Variants in TXLNB observed in about 807,000 individuals in gnomAD.
The protein encoded by TXLNB is taxilin beta, also known as beta-taxilin.
Under a neutral mutation model 57.4 loss-of-function variants are expected in TXLNB, and 37 were observed. The observed-to-expected ratio is 0.64, with a 90% CI of 0.50 to 0.85. The LOEUF (loss-of-function observed/expected upper bound fraction) is 0.85, where lower values mean the gene tolerates loss of function less well. Among genes scored for constraint, TXLNB ranks in the 40% least tolerant of loss-of-function variants. TXLNB has a pLI of 0.00. For missense variants in TXLNB, 848 were observed against 825.6 expected (o/e 1.03, Z -0.33); for synonymous variants, 302 against 309.6 (o/e 0.98, Z 0.26).
chr6:139,268,137 G>A (rs896982311), intron 4 of TXLNB, among the ~76,000 whole-genome samples: 14 of 129,896 alleles, frequency 1.1e-4, no homozygotes, highest in African/African-American at 2.5e-4. Context: ...ACGACAGAGC[G>A]AGACTCCATC....
the TXLNB span, among the ~76,000 whole-genome samples, chr6:139,217,223 C>A: frequency 3.3e-5 from 5 of 152,030 alleles, no homozygotes; most frequent in Non-Finnish European, 1.5e-5. Flanking sequence ...AGCAGCCTTG[C>A]GCTTACACAT....
the TXLNB span, among the ~76,000 whole-genome samples, chr6:139,159,796 A>C: frequency 6.6e-6 from 1 of 152,214 alleles, no homozygotes; most frequent in Admixed American, 6.5e-5. Flanking sequence ...TTTTGCCTGG[A>C]AAGCCTCATA....
At chr6:139,243,686 G>A (rs1427010277) in intron 9 of TXLNB, among the ~76,000 whole-genome samples, 1 of 152,074 alleles carries the variant, frequency 6.6e-6, no homozygotes, top group Non-Finnish European at 1.5e-5. Context: ...AAATGAGATG[G>A]ATTGGGACTT....
At chr6:139,267,328 A>C (rs1338880441) in intron 4 of TXLNB, among the ~76,000 whole-genome samples, 1 of 152,212 alleles carries the variant, frequency 6.6e-6, no homozygotes, top group Non-Finnish European at 1.5e-5. Flanking sequence ...AATATAATAC[A>C]TATAATGATG....
intron 9 of TXLNB, among the ~76,000 whole-genome samples, 178 bp from the exon 10 acceptor site, chr6:139,243,492 CTTTTTT>C (rs1161954954): frequency 2.3e-5 from 3 of 128,096 alleles, no homozygotes; most frequent in African/African-American, 5.9e-5. Context: ...CATCACTTTC[CTTTTTT>C]TTTTTTTTTT....
chr6:139,310,700 T>C, the TXLNB span, among the ~76,000 whole-genome samples: 46 of 152,330 alleles, frequency 3.0e-4, no homozygotes, highest in Admixed American at 1.8e-3. Context: ...TTGTTTTGGT[T>C]TGGTTTTTTT....
the TXLNB span, among the ~76,000 whole-genome samples, chr6:139,300,375 G>C: frequency 6.6e-6 from 1 of 152,168 alleles, no homozygotes; most frequent in Admixed American, 6.5e-5. Flanking sequence ...CAGCAGAGAT[G>C]GTCAACAGGA....
chr6:139,164,051 CACACACACACACACAA>C, the TXLNB span, among the ~76,000 whole-genome samples: 1 of 134,920 alleles, frequency 7.4e-6, no homozygotes, highest in East Asian at 1.9e-4. Flanking sequence ...TGGACTCTCA[CACACACACACACACAA>C]ACACACACAC....
At chr6:139,257,905 C>T (rs1264677645) in intron 6 of TXLNB, among the ~76,000 whole-genome samples, 2 of 152,114 alleles carry the variant, frequency 1.3e-5, no homozygotes, top group African/African-American at 4.8e-5. Flanking sequence ...TCCCAGGGTG[C>T]AATGAAGATT....
chr6:139,177,272 C>A, the TXLNB span: 1 of 510,460 alleles, frequency 2.0e-6, no homozygotes, highest in African/African-American at 1.9e-5. The surrounding 1 kb of genome is among the most constrained non-coding windows in gnomAD (Gnocchi z 4.9). Context: ...TGTCTTGATT[C>A]CCGAGTGTTA....
At position 139,241,743 on chromosome 6, in the gene TXLNB, C is replaced by A. The variant is rs1775938959; in HGVS notation, c.*783G>T. 1.3e-5 allele frequency: 2 copies of A among 152,312 alleles called. No homozygotes were observed. The highest frequency in any genetic ancestry group is 4.8e-5 in the African/African-American group (2 of 41,554). The allele number at this position is 152,312 out of a possible 1,614,324, so 9.4% of individuals were successfully genotyped here. A position where few individuals can be genotyped will look rare whatever the true frequency, so the allele number is the denominator to read the frequency against. On this transcript the variant is annotated 3_prime_UTR_variant, in exon 10 of 10. Transcript: ENST00000358430. ...AGATTGTAGTCTAACTGCTTTTCTG[C>A]CATTTGATCAACTGGTTGAATTCAT...
rs1180212853 is a variant in TXLNB at position 139,272,209 on chromosome 6, AG to A, written c.517-1584del. Among the ~76,000 whole-genome samples the A allele has an allele frequency of 3.3e-5, 5 of 152,210 alleles. No individual in the cohort carries two copies. The East Asian group carries it at 9.6e-4, about 29-fold the overall frequency. On this transcript the variant is annotated intron_variant, in intron 3 of 9. Coordinates refer to ENST00000358430, the MANE Select transcript of TXLNB (RefSeq NM_153235.4). The stretch of plus-strand genomic sequence containing the variant: ...GTAATCCCAGCTACTTGGGAGGCTG[AG>A]GCAGGAGAATTGCTTGAACCAGGGA...
At chr6:139,229,659 T>A in the TXLNB span, among the ~76,000 whole-genome samples, 1 of 152,164 alleles carries the variant, frequency 6.6e-6, no homozygotes, top group Non-Finnish European at 1.5e-5. Context: ...TTTAGTTATT[T>A]GTATTTCTTC....
downstream of TXLNB, among the ~76,000 whole-genome samples, chr6:139,237,742 A>T (rs568948878): frequency 1.3e-5 from 2 of 152,076 alleles, no homozygotes; most frequent in African/African-American, 4.8e-5. Flanking sequence ...TGAGTTTTAC[A>T]CGTCGGTATG....
At chr6:139,221,481 TC>T in the TXLNB span, among the ~76,000 whole-genome samples, 1 of 152,148 alleles carries the variant, frequency 6.6e-6, no homozygotes, top group African/African-American at 2.4e-5. Context: ...TTTCTTTCTT[TC>T]TTTTTTTTTC....
At chr6:139,160,603 C>T in the TXLNB span, among the ~76,000 whole-genome samples, 1 of 152,240 alleles carries the variant, frequency 6.6e-6, no homozygotes, top group East Asian at 1.9e-4. Flanking sequence ...TTCATGGAGA[C>T]GGAGTCTCAC....
intron 8 of TXLNB, chr6:139,245,468 T>C (rs1319280224): frequency 6.6e-6 from 1 of 152,200 alleles, no homozygotes; most frequent in Non-Finnish European, 1.5e-5. Context: ...TTGTAGGATC[T>C]CTTCTTTGCT....
At position 139,265,890 on chromosome 6, in the gene TXLNB, T is replaced by C. The variant is rs527809998; in HGVS notation, c.688-3117A>G. Reference sequence around the variant, plus strand: ...ATAAGAATACAGAGTTCTGGACAACTATAGTCCCTCAACAGTGAGGGGAAG... The same window carrying C: ...ATAAGAATACAGAGTTCTGGACAACCATAGTCCCTCAACAGTGAGGGGAAG... On this transcript the variant is annotated intron_variant, in intron 4 of 9. Coordinates refer to ENST00000358430, the MANE Select transcript of TXLNB (RefSeq NM_153235.4). Among the ~76,000 whole-genome samples the C allele has an allele frequency of 2.1e-4, 32 of 152,248 alleles. 1 individual carries two copies. The highest frequency in any genetic ancestry group is 7.2e-4 in the African/African-American group (30 of 41,538).
the TXLNB span, among the ~76,000 whole-genome samples, chr6:139,219,827 A>T: frequency 1.3e-5 from 2 of 152,188 alleles, no homozygotes; most frequent in Admixed American, 6.5e-5. Flanking sequence ...TATATTTGTT[A>T]TACCTATGAG....
Sources: gnomAD v4.1 joint callset for allele counts (sites outside exome capture counted in the v4.1 genomes callset) on GRCh38, gnomAD v4.1.1 for gene constraint, Gnocchi (gnomAD v3.1) non-coding constraint, MANE v1.5 for transcripts, NCBI Gene and HGNC (gene_info 2026-07-23, HGNC 2026-07-21) for gene names.